RFX7: variants seen among roughly 807,000 people sequenced by gnomAD.
RFX7 encodes the protein regulatory factor X7.
Under a neutral mutation model 111.8 loss-of-function variants are expected in RFX7, and 26 were observed. The ratio of observed to expected loss-of-function variants is 0.23; its 90% CI spans 0.17 to 0.32. RFX7 has a LOEUF of 0.32. Among genes scored for constraint, RFX7 ranks in the 10% least tolerant of loss-of-function variants. The probability of loss-of-function intolerance (pLI) is 1.00; values close to 1 mark genes in which losing one functional copy is unlikely to be tolerated. For synonymous variants in RFX7, 624 were observed against 624.4 expected (o/e 1.00, Z 0.01); for missense variants, 1,573 against 1,772.9 (o/e 0.89, Z 2.02).
At chr15:56,140,794 A>C (rs2042381569) in intron 5 of RFX7, among the ~76,000 whole-genome samples, 1 of 152,240 alleles carries the variant, frequency 6.6e-6, no homozygotes, top group Non-Finnish European at 1.5e-5. Context: ...AATTTATGGG[A>C]ATCTTTGAAA....
intron 5 of RFX7, among the ~76,000 whole-genome samples, chr15:56,115,601 A>G (rs1425831898): frequency 1.3e-5 from 2 of 152,158 alleles, no homozygotes; most frequent in African/African-American, 4.8e-5. Flanking sequence ...CTTTGTATAC[A>G]TACTTTCATT....
intron 3 of RFX7, among the ~76,000 whole-genome samples, chr15:56,178,166 TACACACACACACACAC>T (rs140828561): frequency 8.6e-4 from 103 of 119,676 alleles, no homozygotes; most frequent in African/African-American, 3.1e-3. Context: ...ACCAAAAAAC[TACACACACACACACAC>T]ACACACACAC....
chr15:56,180,770 A>G (rs908430227), intron 2 of RFX7, among the ~76,000 whole-genome samples: 2 of 146,526 alleles, frequency 1.4e-5, no homozygotes, highest in Admixed American at 6.8e-5. Context: ...AAAAAAAAAA[A>G]GCCGAGCATG....
At chr15:56,151,624 A>G (rs748008920) in intron 3 of RFX7, among the ~76,000 whole-genome samples, 5 of 152,234 alleles carry the variant, frequency 3.3e-5, no homozygotes, top group Admixed American at 1.3e-4. Flanking sequence ...TGTAAAGAAC[A>G]TCGACACTAT....
chr15:56,171,199 A>T (rs796905714), intron 3 of RFX7, among the ~76,000 whole-genome samples: 24 of 152,158 alleles, frequency 1.6e-4, no homozygotes, highest in African/African-American at 5.1e-4. Flanking sequence ...CAGGCTGAGG[A>T]AGAGTCAAGA....
chr15:56,242,618 G>A (rs1176204799), intron 2 of RFX7, among the ~76,000 whole-genome samples: 5 of 152,158 alleles, frequency 3.3e-5, no homozygotes. Context: ...ATTAGGATAA[G>A]GGAGGCAAAA....
chr15:56,172,151 G>T (rs1463292740), intron 3 of RFX7, among the ~76,000 whole-genome samples: 1 of 152,126 alleles, frequency 6.6e-6, no homozygotes, highest in Non-Finnish European at 1.5e-5. Context: ...ATTTGGAAGT[G>T]ATATTACCTA....
rs989503107 is a variant in RFX7 at position 56,184,341 on chromosome 15, T to A, written c.162-5038A>T. On this transcript the variant is annotated intron_variant, in intron 2 of 9. Transcript: ENST00000559447. ...GGTGTGAGCCACTGCGCCCGGACAG[T>A]TCTAATAGTATGTAGATTCTCTTGT... Among the ~76,000 whole-genome samples, 120 of 151,916 alleles carry A rather than the reference T, an allele frequency of 7.9e-4. 1 individual carries two copies. The highest frequency in any genetic ancestry group is 2.7e-3 in the African/African-American group (114 of 41,466).
At chr15:56,108,303 A>G (rs2041858830) in intron 5 of RFX7, among the ~76,000 whole-genome samples, 1 of 152,206 alleles carries the variant, frequency 6.6e-6, no homozygotes, top group Admixed American at 6.5e-5. Flanking sequence ...AATCCTCAAT[A>G]AAATACTGGC....
chr15:56,224,048 T>C (rs915332422), intron 2 of RFX7, among the ~76,000 whole-genome samples: 1 of 151,786 alleles, frequency 6.6e-6, no homozygotes, highest in Non-Finnish European at 1.5e-5. Context: ...AAGGATAACC[T>C]TCAGGGATAG....
At chr15:56,244,438 T>C (rs147818140), upstream of RFX7, among the ~76,000 whole-genome samples, 477 of 152,118 alleles carry the variant, frequency 3.1e-3, no homozygotes, top group Middle Eastern at 0.01. Flanking sequence ...CTGGCCCCAC[T>C]TTAACTATCC....
intron 2 of RFX7, among the ~76,000 whole-genome samples, chr15:56,216,960 A>T (rs776805171): frequency 6.6e-6 from 1 of 152,134 alleles, no homozygotes; most frequent in Non-Finnish European, 1.5e-5. Flanking sequence ...GGCTCTACGG[A>T]TATTCTTTGG....
intron 3 of RFX7, among the ~76,000 whole-genome samples, chr15:56,177,503 ACT>A (rs1368374323): frequency 7.2e-5 from 11 of 152,326 alleles, no homozygotes; most frequent in Middle Eastern, 6.8e-3. Flanking sequence ...TTTTTTAATT[ACT>A]GAGTAAAAAT....
chr15:56,235,364 C>T (rs1167003654), intron 2 of RFX7, among the ~76,000 whole-genome samples: 4 of 151,984 alleles, frequency 2.6e-5, no homozygotes, highest in Admixed American at 6.6e-5. Context: ...TTAGTAGAGA[C>T]GGGGTTTCAC....
chr15:56,241,246 C>T (rs2043685995), intron 2 of RFX7, among the ~76,000 whole-genome samples: 1 of 151,948 alleles, frequency 6.6e-6, no homozygotes, highest in South Asian at 2.1e-4. Flanking sequence ...ATGTTAAAGT[C>T]AGAGCAGTTA....
rs2042799027 is a variant in RFX7, at chr15:56,167,678, AC to A, written c.195+11591del. 3.3e-5 allele frequency among the ~76,000 whole-genome samples: 5 copies of A among 152,348 alleles called. No homozygotes were observed. In the South Asian group the frequency reaches 1.0e-3, roughly 32 times the overall value. On this transcript the variant is annotated intron_variant, in intron 3 of 9. Transcript: ENST00000559447. Reference sequence around the variant, plus strand: ...AAAAAAATCTATTCATATTTATGCTACTACAAATATTTTCATTTGTCTTTAC... The same window carrying A: ...AAAAAAATCTATTCATATTTATGCTATACAAATATTTTCATTTGTCTTTAC...
At chr15:56,096,776 ACAAT>A (rs1261306008) in intron 9 of RFX7, among the ~76,000 whole-genome samples, 156 bp from the exon 10 acceptor site, 1 of 152,224 alleles carries the variant, frequency 6.6e-6, no homozygotes, top group Non-Finnish European at 1.5e-5. Flanking sequence ...CAGGTTCTAC[ACAAT>A]CAGACACATA....
At chr15:56,201,865 C>A (rs1359499208) in intron 2 of RFX7, among the ~76,000 whole-genome samples, 1 of 152,028 alleles carries the variant, frequency 6.6e-6, no homozygotes, top group African/African-American at 2.4e-5. Flanking sequence ...CCCGTCTCTA[C>A]TAAAAATACA....
chr15:56,120,294 A>T (rs1398977317), intron 5 of RFX7, among the ~76,000 whole-genome samples: 2 of 152,076 alleles, frequency 1.3e-5, no homozygotes, highest in African/African-American at 4.8e-5. Flanking sequence ...TTTCTTTTTC[A>T]GATTGTTCAC....
Sources: allele counts gnomAD v4.1 joint callset (sites outside exome capture counted in the v4.1 genomes callset), GRCh38; gene constraint gnomAD v4.1.1; transcripts MANE v1.5; gene names NCBI Gene and HGNC (gene_info 2026-07-23, HGNC 2026-07-21).